VPS13D: variants seen among roughly 807,000 people sequenced by gnomAD.
The protein encoded by VPS13D is intermembrane lipid transfer protein VPS13D.
A neutral mutation model predicts 461.9 loss-of-function variants in VPS13D; 187 were observed. The ratio of observed to expected loss-of-function variants is 0.40; its 90% confidence interval spans 0.36 to 0.46. VPS13D has a LOEUF of 0.46. Ranked by LOEUF, VPS13D falls within the 20% of genes least tolerant of loss-of-function variation. VPS13D has a pLI of 0.60. For synonymous variants in VPS13D, 1,951 were observed against 1,986.3 expected, an observed-to-expected ratio of 0.98 and a Z score of 0.47; for missense variants, 4,711 against 5,364.9, an observed-to-expected ratio of 0.88 and a Z score of 3.81.
At chr1:12,492,280 C>T (rs1216545481) in intron 67 of VPS13D, among the ~76,000 whole-genome samples, 2 of 152,192 alleles carry the variant, frequency 1.3e-5, no homozygotes, top group African/African-American at 4.8e-5. Flanking sequence ...TTGGGTACCA[C>T]TATGCTGTAG....
chr1:12,460,895 C>T (rs111915386), intron 67 of VPS13D, among the ~76,000 whole-genome samples: 1,821 of 152,080 alleles, frequency 0.012, 14 homozygotes, highest in African/African-American at 0.031. Context: ...ATTTTCCTTC[C>T]GCTTGAAAGT....
intron 65 of VPS13D, among the ~76,000 whole-genome samples, chr1:12,439,505 T>A (rs933326493): frequency 1.3e-5 from 2 of 151,552 alleles, no homozygotes; most frequent in Non-Finnish European, 2.9e-5. Flanking sequence ...TCTACTTTTG[T>A]TACTGCTTTT....
intron 5 of VPS13D, among the ~76,000 whole-genome samples, chr1:12,247,680 G>A (rs971726661): frequency 6.0e-5 from 9 of 150,058 alleles, no homozygotes. Flanking sequence ...TTGGAGAAAT[G>A]TCTATTTGAA....
chr1:12,282,782 G>A lies in VPS13D; in HGVS notation c.4680G>A (p.Lys1560=). 1 of 1,614,064 alleles carries A rather than the reference G, an allele frequency of 6.2e-7. No homozygotes were observed. ...DNLVYSEDLN[K]YPASATSSPC... ...TCGTGTACAGTGAAGATCTGAATAA[G>A]TATCCAGCCAGTGCTACCTCCTCCC... Residue 1560 remains lysine (K), a synonymous_variant, in exon 21 of 70, where the codon AAG becomes AAA. Transcript: ENST00000620676.
At chr1:12,278,553 G>C (rs1363763997) in intron 19 of VPS13D, among the ~76,000 whole-genome samples, 1 of 152,226 alleles carries the variant, frequency 6.6e-6, no homozygotes, top group East Asian at 1.9e-4. Flanking sequence ...GGGATTACAA[G>C]TGTGACCAGC....
intron 21 of VPS13D, among the ~76,000 whole-genome samples, chr1:12,287,284 A>G (rs764612066): frequency 1.3e-5 from 2 of 152,212 alleles, no homozygotes; most frequent in Admixed American, 6.5e-5. Flanking sequence ...TGCTCCAGCT[A>G]TAGTAACCCA....
chr1:12,233,829 C>T (rs1469540988), intron 1 of VPS13D, among the ~76,000 whole-genome samples: 1 of 152,098 alleles, frequency 6.6e-6, no homozygotes, highest in East Asian at 1.9e-4. Context: ...GGGTGGATCA[C>T]CTGAGGTCAG....
In VPS13D at chr1:12,299,438, T is replaced by A; in HGVS notation, c.6216+54T>A. ...CGTTCAGCTAGTATTTGATCACTAA[T>A]TGAAAAATTTGTATGCTGCTGTAAG... On this transcript the variant is annotated intron_variant, in intron 25 of 69. Coordinates refer to ENST00000620676, the MANE Select transcript of VPS13D (RefSeq NM_015378.4). This position sits in a 1 kb window ranked among gnomAD's most constrained non-coding sequence, Gnocchi z 4.2. 1 of 1,532,174 alleles carries A rather than the reference T, an allele frequency of 6.5e-7. No homozygotes were observed. The highest frequency in any genetic ancestry group is 8.8e-7 in the Non-Finnish European group (1 of 1,141,694). 94.9% of individuals were successfully genotyped at this position (1,532,174 alleles called of 1,614,324 possible).
At position 12,345,454 on chromosome 1, in the gene VPS13D, A is replaced by G. The variant is rs748878878; in HGVS notation, c.8966A>G (p.Lys2989Arg). Residue 2989 changes from lysine (K) to arginine (R), a missense_variant, in exon 43 of 70, where the codon AAA becomes AGA. Coordinates refer to ENST00000620676, the MANE Select transcript of VPS13D (RefSeq NM_015378.4). ...CAAGTGAGCCCAGTGTCTGTGGACA[A>G]AGTCGGGACCTTTTTTCGATATGCA... ...WEQVSPVSVD[K>R]VGTFFRYAAP... 1 of 1,613,850 alleles carries G rather than the reference A, an allele frequency of 6.2e-7. No homozygotes were observed. The highest frequency in any genetic ancestry group is 1.3e-5 in the African/African-American group (1 of 74,938).
In VPS13D at chr1:12,280,336, A is replaced by G. The variant is rs577435164; in HGVS notation, c.4602+686A>G. 2.0e-5 allele frequency among the ~76,000 whole-genome samples: 3 copies of G among 152,036 alleles called. 1 individual carries two copies. The highest frequency in any genetic ancestry group is 6.5e-5 in the Admixed American group (1 of 15,270). ...GTTGATGGAGTGGGCCTGCCTTTTG[A>G]CATTTGTGGTTCCTCCCAGGGGTCT... On this transcript the variant is annotated intron_variant, in intron 20 of 69. Coordinates refer to ENST00000620676, the MANE Select transcript of VPS13D (RefSeq NM_015378.4).
chr1:12,256,920 T>C, intron 8 of VPS13D, 67 bp from the exon 9 acceptor site: 3 of 1,522,526 alleles, frequency 2.0e-6, no homozygotes, highest in South Asian at 1.1e-5. Flanking sequence ...TTGTTAGATA[T>C]AGGTCTTAAC....
chr1:12,294,666 G>A (rs1642224725), intron 24 of VPS13D, among the ~76,000 whole-genome samples: 1 of 152,036 alleles, frequency 6.6e-6, no homozygotes, highest in Admixed American at 6.6e-5. Flanking sequence ...ACAAAAATTA[G>A]CTGGGCATGG....
chr1:12,234,494 A>G, intron 2 of VPS13D, 131 bp downstream of exon 2: 3 of 583,450 alleles, frequency 5.1e-6, no homozygotes, highest in Non-Finnish European at 8.8e-6. Context: ...AAAAGGTCCC[A>G]TATCATCCTG....
At chr1:12,390,837 C>T (rs961438347) in intron 60 of VPS13D, among the ~76,000 whole-genome samples, 15 of 152,200 alleles carry the variant, frequency 9.9e-5, no homozygotes, top group Admixed American at 7.9e-4. Flanking sequence ...CCACCATGGC[C>T]ACTTTGTTCA....
chr1:12,273,201 T>C, intron 18 of VPS13D, 66 bp downstream of exon 18: 1 of 1,513,428 alleles, frequency 6.6e-7, no homozygotes, highest in Non-Finnish European at 8.9e-7. Flanking sequence ...TATGATTATC[T>C]AAGTAAAGCT....
chr1:12,238,101 C>A (rs967622971), intron 2 of VPS13D, among the ~76,000 whole-genome samples: 1 of 150,956 alleles, frequency 6.6e-6, no homozygotes, highest in Non-Finnish European at 1.5e-5. Flanking sequence ...CTGCAGTGAG[C>A]TGCGATGTCA....
intron 65 of VPS13D, among the ~76,000 whole-genome samples, chr1:12,432,792 T>C (rs1338830900): frequency 1.3e-5 from 2 of 152,008 alleles, no homozygotes; most frequent in African/African-American, 4.8e-5. Flanking sequence ...ATGGGGTTTC[T>C]CTATGTTGCT....
At chr1:12,269,724 T>A (rs147453259) in intron 16 of VPS13D, among the ~76,000 whole-genome samples, 1 of 152,200 alleles carries the variant, frequency 6.6e-6, no homozygotes, top group Non-Finnish European at 1.5e-5. Flanking sequence ...TATAAAACAA[T>A]AGTATTTTCC....
chr1:12,230,865 G>A (rs1341045114), intron 1 of VPS13D, among the ~76,000 whole-genome samples: 2 of 152,124 alleles, frequency 1.3e-5, no homozygotes, highest in Non-Finnish European at 2.9e-5. Flanking sequence ...CTTGGGTGGT[G>A]GGGTCTCTGT....
Sources: allele counts gnomAD v4.1 joint callset (sites outside exome capture counted in the v4.1 genomes callset), GRCh38; gene constraint gnomAD v4.1.1; non-coding constraint Gnocchi (gnomAD v3.1); transcripts MANE v1.5; gene names NCBI Gene and HGNC (gene_info 2026-07-23, HGNC 2026-07-21).